The following DNAH6 variants were observed in gnomAD, a reference collection of about 807,000 sequenced individuals.
DNAH6 encodes axonemal beta dynein heavy chain 6.
In DNAH6, 340 loss-of-function variants were observed where a neutral mutation model predicts 491.4. That is an observed-to-expected ratio of 0.69 (90% CI 0.63 to 0.76). The LOEUF is 0.76. Ranked by LOEUF, DNAH6 falls within the 30% of genes least tolerant of loss-of-function variation. The pLI, the probability that DNAH6 is intolerant of heterozygous loss-of-function variation, is 0.00. For missense variants in DNAH6, 4,443 were observed against 4,972.2 expected (o/e 0.89, Z 3.20); for synonymous variants, 1,603 against 1,686.1 (o/e 0.95, Z 1.21).
chr2:84,512,300 A>T (rs945760987), upstream of DNAH6, among the ~76,000 whole-genome samples: 1 of 152,190 alleles, frequency 6.6e-6, no homozygotes, highest in African/African-American at 2.4e-5. Flanking sequence ...GCATCTGGTA[A>T]GGGACCTCAT....
At chr2:84,506,842 G>A in the DNAH6 span, among the ~76,000 whole-genome samples, 6 of 152,134 alleles carry the variant, frequency 3.9e-5, no homozygotes, top group Non-Finnish European at 4.4e-5. Context: ...CCCATTGCTT[G>A]TTTTTCTCAG....
chr2:84,795,457 G>C (rs1325763564), intron 68 of DNAH6, among the ~76,000 whole-genome samples: 1 of 151,408 alleles, frequency 6.6e-6, no homozygotes, highest in African/African-American at 2.4e-5. Flanking sequence ...TTAATAAATT[G>C]GAAAATAAAC....
chr2:84,639,655 A>G (rs1305770523), intron 31 of DNAH6, among the ~76,000 whole-genome samples: 1 of 151,978 alleles, frequency 6.6e-6, no homozygotes, highest in Non-Finnish European at 1.5e-5. Context: ...CCTGACCTCA[A>G]GTGACTCACC....
chr2:84,478,172 T>TCAGAAACACTTAACACTTCCTCC, the DNAH6 span, among the ~76,000 whole-genome samples: 1 of 152,102 alleles, frequency 6.6e-6, no homozygotes, highest in Non-Finnish European at 1.5e-5. Flanking sequence ...ACAACACAAA[T>TCAGAAACACTTAACACTTCCTCC]CAGAAACACT....
chr2:84,563,274 AGCTCT>A (rs768627938), intron 11 of DNAH6, among the ~76,000 whole-genome samples: 10 of 152,320 alleles, frequency 6.6e-5, no homozygotes, highest in Non-Finnish European at 1.5e-4. Flanking sequence ...GTCAAATGGT[AGCTCT>A]GTTTTAAGTT....
chr2:84,749,021 T>C (rs1262067557), intron 63 of DNAH6, among the ~76,000 whole-genome samples: 1 of 152,152 alleles, frequency 6.6e-6, no homozygotes, highest in Non-Finnish European at 1.5e-5. Context: ...CTAGCTCTTA[T>C]ATGAACTAAT....
chr2:84,741,408 G>A (rs1672516181), intron 62 of DNAH6, among the ~76,000 whole-genome samples: 1 of 152,078 alleles, frequency 6.6e-6, no homozygotes, highest in African/African-American at 2.4e-5. Context: ...CTAGGTATGA[G>A]TAGGATGACC....
At chr2:84,510,956 C>T in the DNAH6 span, among the ~76,000 whole-genome samples, 3 of 152,142 alleles carry the variant, frequency 2.0e-5, no homozygotes, top group Admixed American at 6.5e-5. Context: ...GAGGAGTACC[C>T]GGCCGTGTGA....
At chr2:84,512,570 C>A (rs926677490), upstream of DNAH6, among the ~76,000 whole-genome samples, 1 of 152,176 alleles carries the variant, frequency 6.6e-6, no homozygotes, top group African/African-American at 2.4e-5. Flanking sequence ...CAAACCATAG[C>A]AATGGTTTTT....
intron 15 of DNAH6, among the ~76,000 whole-genome samples, chr2:84,587,397 A>C (rs1468686679): frequency 6.6e-6 from 1 of 152,178 alleles, no homozygotes; most frequent in Admixed American, 6.5e-5. Context: ...GCTATTGTGG[A>C]TAGTGCTGCA....
At chr2:84,793,438 A>G (rs530613902) in intron 68 of DNAH6, among the ~76,000 whole-genome samples, 2 of 152,210 alleles carry the variant, frequency 1.3e-5, no homozygotes, top group Non-Finnish European at 2.9e-5. Context: ...GCTGCTTGTC[A>G]AAATGCAGAT....
chr2:84,589,782 A>G (rs1683926113), intron 16 of DNAH6, among the ~76,000 whole-genome samples: 1 of 151,996 alleles, frequency 6.6e-6, no homozygotes, highest in South Asian at 2.1e-4. Context: ...ACATGAAGAG[A>G]AAGGGGTAAG....
intron 58 of DNAH6, 146 bp downstream of exon 58, chr2:84,715,773 C>T (rs770882194): frequency 2.2e-5 from 16 of 741,574 alleles, no homozygotes; most frequent in South Asian, 1.2e-4. Context: ...AAGTAAGTGG[C>T]CAAGTTCTTT....
intron 57 of DNAH6, 23 bp from the exon 58 acceptor site, chr2:84,715,537 T>C: frequency 6.5e-7 from 1 of 1,550,016 alleles, no homozygotes; most frequent in Middle Eastern, 1.7e-4. Context: ...AGCATTTTTA[T>C]GCACTCTGTG....
At chr2:84,630,715 A>G (rs1688321531) in intron 29 of DNAH6, among the ~76,000 whole-genome samples, 1 of 152,212 alleles carries the variant, frequency 6.6e-6, no homozygotes. Flanking sequence ...CATTGAGGAC[A>G]ATTGAACAAG....
chr2:84,621,612 T>C, intron 26 of DNAH6, 61 bp downstream of exon 26: 1 of 974,004 alleles, frequency 1.0e-6, no homozygotes, highest in Non-Finnish European at 1.5e-6. Context: ...GGTTTTTTTT[T>C]AAAGCACAGT....
At chr2:84,591,355 T>C (rs533059864) in intron 16 of DNAH6, among the ~76,000 whole-genome samples, 125 of 152,170 alleles carry the variant, frequency 8.2e-4, no homozygotes, top group African/African-American at 2.7e-3. Context: ...GCATAAAAAA[T>C]ATCATGCCAT....
Position 84,672,384 on chromosome 2 carries a change from T to A in DNAH6, c.6512T>A (p.Leu2171Gln). Residue 2171 changes from leucine to glutamine, a missense_variant, in exon 40 of 77, where the codon CTG becomes CAG. This residue lies in a region of DNAH6 where 2,977 missense variants were observed against 3,296.6 expected (regional missense o/e 0.90). Transcript: ENST00000389394. ...IFVDDLNMPRLDRYGSQPPIE... is the reference protein window; with the variant it reads ...IFVDDLNMPRQDRYGSQPPIE... ...GTTGATGATTTAAACATGCCCAGAC[T>A]GGATCGCTATGGCTCTCAGCCTCCG... The A allele has an allele frequency of 6.4e-7, 1 of 1,551,790 alleles. No homozygotes were observed. Among genetic ancestry groups the A allele is most frequent in the Non-Finnish European group, 8.7e-7 (1 of 1,146,938 alleles).
At chr2:84,693,098 T>C (rs537442875) in intron 45 of DNAH6, among the ~76,000 whole-genome samples, 13 of 152,360 alleles carry the variant, frequency 8.5e-5, no homozygotes, top group African/African-American at 3.1e-4. Context: ...TCTTCTATTA[T>C]GTCAGTCACC....
Sources: gnomAD v4.1 joint callset for allele counts (sites outside exome capture counted in the v4.1 genomes callset) on GRCh38, gnomAD v4.1.1 for gene constraint, gnomAD v4.1.1 regional missense constraint, MANE v1.5 for transcripts, NCBI Gene and HGNC (gene_info 2026-07-23, HGNC 2026-07-21) for gene names.